The following CAMSAP1 variants were observed in gnomAD, a reference collection of about 807,000 sequenced individuals.
CAMSAP1 encodes calmodulin-regulated spectrin-associated protein 1.
CAMSAP1 carries 58 observed loss-of-function variants against 143.5 expected under a neutral mutation model. The ratio of observed to expected loss-of-function variants is 0.40; its 90% CI spans 0.33 to 0.50. CAMSAP1 has a LOEUF of 0.50. Among genes scored for constraint, CAMSAP1 ranks in the 20% least tolerant of loss-of-function variants. The probability of loss-of-function intolerance (pLI) is 0.45; values close to 1 mark genes in which losing one functional copy is unlikely to be tolerated. For synonymous variants in CAMSAP1, 945 were observed against 859.3 expected, an observed-to-expected ratio of 1.10 and a Z score of -1.74; for missense variants, 1,969 against 2,115.7, an observed-to-expected ratio of 0.93 and a Z score of 1.36.
chr9:135,815,025 T>C lies in CAMSAP1; in HGVS notation c.4506+72A>G. On this transcript the variant is annotated intron_variant, in intron 16 of 16. Coordinates refer to ENST00000389532, the MANE Select transcript of CAMSAP1 (RefSeq NM_015447.4). The stretch of plus-strand genomic sequence containing the variant: ...GCATCAAAGATTAGGGGTGTTTTCT[T>C]TTAAAAAGAACCCTTAATTTATAAA... 3 of 1,122,284 alleles carry C rather than the reference T, an allele frequency of 2.7e-6. No homozygotes were observed. In the South Asian group the frequency reaches 4.1e-5, roughly 15 times the overall value. The allele number at this position is 1,122,284 out of a possible 1,614,324, so 69.5% of individuals were successfully genotyped here.
At chr9:135,812,069 C>T (rs569063492) in intron 16 of CAMSAP1, among the ~76,000 whole-genome samples, 5 of 152,286 alleles carry the variant, frequency 3.3e-5, no homozygotes, top group Middle Eastern at 3.4e-3. Flanking sequence ...CAGGCAGTTA[C>T]CGTGGGACCC....
At chr9:135,889,020 C>G (rs562722649) in intron 1 of CAMSAP1, among the ~76,000 whole-genome samples, 1 of 152,304 alleles carries the variant, frequency 6.6e-6, no homozygotes, top group East Asian at 1.9e-4. Flanking sequence ...CGGGAACCCT[C>G]AGAGAGGGGA....
chr9:135,831,120 C>A (rs529501626), intron 7 of CAMSAP1, among the ~76,000 whole-genome samples: 1 of 152,052 alleles, frequency 6.6e-6, no homozygotes, highest in Admixed American at 6.6e-5. Flanking sequence ...TGCAGTGAGC[C>A]GAGATCGCTC....
At position 135,882,872 on chromosome 9, in the gene CAMSAP1, C is replaced by G. The variant is rs1838005889; in HGVS notation, c.367G>C (p.Glu123Gln). Residue 123 changes from glutamate (E) to glutamine (Q), a missense_variant, in exon 2 of 17, where the codon GAG (glutamate) becomes CAG (glutamine). Physicochemically the swap from Glu to Gln is conservative, Grantham distance 29. Coordinates refer to ENST00000389532, the MANE Select transcript of CAMSAP1 (RefSeq NM_015447.4). This position sits in a 1 kb window ranked among gnomAD's most constrained non-coding sequence, Gnocchi z 4.9. ...ALSRKGIYVM[E>Q]SDDTPVTESD... ...TCTGTCACGGGGGTGTCATCACTCT[C>G]CATCACATAGATCCCTTTCCGGGAC... 1 of 1,551,498 alleles carries G rather than the reference C, an allele frequency of 6.4e-7. No individual in the cohort carries two copies. Among genetic ancestry groups the G allele is most frequent in the Non-Finnish European group, 8.7e-7 (1 of 1,147,002 alleles).
At chr9:135,864,206 T>C (rs569122311) in intron 4 of CAMSAP1, among the ~76,000 whole-genome samples, 13 of 152,360 alleles carry the variant, frequency 8.5e-5, no homozygotes, top group African/African-American at 2.9e-4. Context: ...AAAACTCTCA[T>C]GTGACCTCAC....
chr9:135,884,219 TC>T (rs1373161981), intron 1 of CAMSAP1, among the ~76,000 whole-genome samples: 1 of 152,048 alleles, frequency 6.6e-6, no homozygotes, highest in Non-Finnish European at 1.5e-5. Context: ...CCCCACTGAC[TC>T]CTAGCGTTCA....
chr9:135,855,790 C>T (rs1169791294), intron 5 of CAMSAP1, among the ~76,000 whole-genome samples: 27 of 148,888 alleles, frequency 1.8e-4, no homozygotes, highest in Admixed American at 1.6e-3. Context: ...CGGTGGCTCA[C>T]GCCTGTAATC....
chr9:135,855,901 A>C (rs375010890), intron 5 of CAMSAP1, among the ~76,000 whole-genome samples: 9 of 151,980 alleles, frequency 5.9e-5, no homozygotes, highest in African/African-American at 2.2e-4. Flanking sequence ...AAATACAAAA[A>C]ATTAGCCGGG....
intron 1 of CAMSAP1, among the ~76,000 whole-genome samples, chr9:135,888,943 C>A (rs1035880941): frequency 6.6e-6 from 1 of 152,204 alleles, no homozygotes; most frequent in African/African-American, 2.4e-5. Context: ...GGCGCTGGCC[C>A]GGGCATGCCA....
chr9:135,809,739 A>C lies in CAMSAP1; in HGVS notation c.*1570T>G, dbSNP rs571244473. ...TGTGTAACTCAGCACTTGAGAAATCATACAGCCTTTAGTTCCCTATTTACA... is the reference window on the plus strand; with the variant it reads ...TGTGTAACTCAGCACTTGAGAAATCCTACAGCCTTTAGTTCCCTATTTACA... On this transcript the variant is annotated 3_prime_UTR_variant, in exon 17 of 17. Coordinates refer to ENST00000389532, the MANE Select transcript of CAMSAP1 (RefSeq NM_015447.4). 27 of 152,788 alleles carry C rather than the reference A, an allele frequency of 1.8e-4. No homozygotes were observed. Among genetic ancestry groups the C allele is most frequent in the South Asian group, 6.2e-4 (3 of 4,828 alleles). The allele number at this position is 152,788 out of a possible 1,614,324, so 9.5% of individuals were successfully genotyped here. A position where few individuals can be genotyped will look rare whatever the true frequency, so the allele number is the denominator to read the frequency against.
intron 7 of CAMSAP1, among the ~76,000 whole-genome samples, chr9:135,843,146 G>A (rs978816018): frequency 2.0e-5 from 3 of 152,080 alleles, no homozygotes; most frequent in Admixed American, 6.6e-5. Context: ...TGACCAACAT[G>A]GAGAAACCCC....
chr9:135,844,986 A>G (rs1184273244), intron 7 of CAMSAP1, among the ~76,000 whole-genome samples: 2 of 152,180 alleles, frequency 1.3e-5, no homozygotes, highest in African/African-American at 4.8e-5. Context: ...TCCAAACAAC[A>G]GAAAAAGAGG....
chr9:135,836,280 C>T, intron 7 of CAMSAP1: 2 of 985,146 alleles, frequency 2.0e-6, no homozygotes, highest in Non-Finnish European at 2.4e-6. Flanking sequence ...CGCAGCCACA[C>T]ATCACCACGT....
At position 135,818,731 on chromosome 9, in the gene CAMSAP1, A is replaced by G; in HGVS notation, c.3960-115T>C. 1 of 1,278,774 alleles carries G rather than the reference A, an allele frequency of 7.8e-7. No homozygotes were observed. Among genetic ancestry groups the G allele is most frequent in the Non-Finnish European group, 1.1e-6 (1 of 941,502 alleles). 79.2% of individuals were successfully genotyped at this position (1,278,774 alleles called of 1,614,324 possible). ...GGGTTCTCCCCGGCCGCTGGGACCA[A>G]GAGTGGCCAGCCTCCACAAGCGGGA... On this transcript the variant is annotated intron_variant, in intron 12 of 16. Coordinates refer to ENST00000389532, the MANE Select transcript of CAMSAP1 (RefSeq NM_015447.4). The surrounding 1 kb of genome is among the most constrained non-coding windows in gnomAD (Gnocchi z 7.7).
chr9:135,865,422 G>A (rs1001284709), intron 4 of CAMSAP1: 5 of 1,510,444 alleles, frequency 3.3e-6, no homozygotes, highest in African/African-American at 1.4e-5. Context: ...GCAGGTCCAC[G>A]TGTGGACGAG....
rs1406043736 is a variant in CAMSAP1 at position 135,823,930 on chromosome 9, C to T, written c.1400+20G>A. 3 of 1,556,974 alleles carry T rather than the reference C, an allele frequency of 1.9e-6. No homozygotes were observed. The highest frequency in any genetic ancestry group is 8.7e-7 in the Non-Finnish European group (1 of 1,147,226). On this transcript the variant is annotated intron_variant, in intron 10 of 16. Transcript: ENST00000389532. ...ATAAAAAACATTCCAAACAGAAACA[C>T]TGCTGAAACACAGACTCACCTGGTT...
At chr9:135,845,314 A>G (rs1836512045) in intron 7 of CAMSAP1, among the ~76,000 whole-genome samples, 1 of 152,188 alleles carries the variant, frequency 6.6e-6, no homozygotes. Flanking sequence ...ATAAAATTCA[A>G]CACCCCTTCA....
chr9:135,891,781 A>T (rs996096410), intron 1 of CAMSAP1, among the ~76,000 whole-genome samples: 2 of 152,258 alleles, frequency 1.3e-5, no homozygotes, highest in Admixed American at 1.3e-4. Flanking sequence ...TAAAACAGCT[A>T]TTATAAGTTC....
rs1008395317 is a variant in CAMSAP1, at chr9:135,826,659, G to A, written c.1223+748C>T. On this transcript the variant is annotated intron_variant, in intron 8 of 16. Transcript: ENST00000389532. The surrounding 1 kb of genome is among the most constrained non-coding windows in gnomAD (Gnocchi z 4.4). ...TTATTTAAAACCACTTTTAAATAGC[G>A]TCTTCATCTTAAATCCCAACTTAAA... Among the ~76,000 whole-genome samples, 5 of 152,184 alleles carry A rather than the reference G, an allele frequency of 3.3e-5. No individual in the cohort carries two copies. The highest frequency in any genetic ancestry group is 1.3e-4 in the Admixed American group (2 of 15,284).
Sources: gnomAD v4.1 joint callset for allele counts (sites outside exome capture counted in the v4.1 genomes callset) on GRCh38, gnomAD v4.1.1 for gene constraint, Gnocchi (gnomAD v3.1) non-coding constraint, MANE v1.5 for transcripts, NCBI Gene and HGNC (gene_info 2026-07-23, HGNC 2026-07-21) for gene names.